Variants in C3orf70 observed in about 807,000 individuals in gnomAD.
C3orf70 encodes UPF0524 protein C3orf70.
Under a neutral mutation model 20.7 loss-of-function variants are expected in C3orf70, and 15 were observed. That is an observed-to-expected ratio of 0.72 (90% CI 0.48 to 1.11). The LOEUF (loss-of-function observed/expected upper bound fraction) is 1.11. Among genes scored for constraint, C3orf70 ranks in the 50% most tolerant of loss-of-function variants. C3orf70 has a pLI of 0.00. For missense variants in C3orf70, 332 were observed against 317.6 expected (o/e 1.05, Z -0.34); for synonymous variants, 161 against 125.7 (o/e 1.28, Z -1.88).
In C3orf70 at chr3:185,081,621, A is replaced by G. The variant is rs776294739; in HGVS notation, c.*1386T>C. On this transcript the variant is annotated 3_prime_UTR_variant, in exon 2 of 2. Coordinates refer to ENST00000335012, the MANE Select transcript of C3orf70 (RefSeq NM_001025266.3). ...CCTCATGGATAGAAGGTTTGGAGAA[A>G]TAGCAGTTAACTGACTCACAAGAAT... 6 of 152,402 alleles carry G rather than the reference A, an allele frequency of 3.9e-5. No individual in the cohort carries two copies. Among genetic ancestry groups the G allele is most frequent in the Admixed American group, 3.9e-4 (6 of 15,292 alleles). The allele number at this position is 152,402 out of a possible 1,614,324, so 9.4% of individuals were successfully genotyped here.
At chr3:185,104,312 A>G (rs1715881572) in intron 1 of C3orf70, among the ~76,000 whole-genome samples, 1 of 152,258 alleles carries the variant, frequency 6.6e-6, no homozygotes, top group Non-Finnish European at 1.5e-5. Context: ...ATTATTAAAA[A>G]GTCAAAGAAT....
chr3:185,083,453 C>G lies in C3orf70; in HGVS notation c.307G>C (p.Glu103Gln), dbSNP rs778561628. Residue 103 changes from glutamate to glutamine, a missense_variant, in exon 2 of 2, where the codon GAA (glutamate) becomes CAA (glutamine). Coordinates refer to ENST00000335012, the MANE Select transcript of C3orf70 (RefSeq NM_001025266.3). Reference sequence around the variant, plus strand: ...ACAGATGCAAATTTCAAAAAGTGTTCGGTGAGCGAGACTGAGATCTGAATG... The same window carrying G: ...ACAGATGCAAATTTCAAAAAGTGTTGGGTGAGCGAGACTGAGATCTGAATG... ...NTIQISVSLT[E>Q]HFLKFASVFQ... The G allele has an allele frequency of 3.1e-6, 5 of 1,613,936 alleles. No homozygotes were observed. Among genetic ancestry groups the G allele is most frequent in the South Asian group, 2.2e-5 (2 of 91,074 alleles).
chr3:185,119,392 C>G (rs1716245485), intron 1 of C3orf70, among the ~76,000 whole-genome samples: 1 of 152,140 alleles, frequency 6.6e-6, no homozygotes, highest in East Asian at 1.9e-4. Context: ...GTGGTTCACG[C>G]CTGTAATCCC....
chr3:185,125,526 T>C (rs546563787), intron 1 of C3orf70, among the ~76,000 whole-genome samples: 111 of 152,328 alleles, frequency 7.3e-4, no homozygotes, highest in African/African-American at 2.6e-3. Flanking sequence ...AATGAAGACA[T>C]ACATTCTCAC....
intron 1 of C3orf70, among the ~76,000 whole-genome samples, chr3:185,145,497 T>C (rs182660006): frequency 3.7e-4 from 56 of 152,372 alleles, no homozygotes; most frequent in Admixed American, 6.5e-4. Flanking sequence ...CATGGTTTTA[T>C]AGAGTTCACA....
intron 1 of C3orf70, among the ~76,000 whole-genome samples, chr3:185,111,555 C>T (rs13327733): frequency 0.052 from 7,910 of 152,078 alleles, 671 homozygotes; most frequent in African/African-American, 0.18. Context: ...AGGATGACTT[C>T]AATAAAAAAG....
chr3:185,098,643 A>G (rs1277367694), intron 1 of C3orf70, among the ~76,000 whole-genome samples: 1 of 152,258 alleles, frequency 6.6e-6, no homozygotes, highest in African/African-American at 2.4e-5. Flanking sequence ...ATGTATTCAT[A>G]TATCATACTG....
chr3:185,096,384 A>G (rs1253052789), intron 1 of C3orf70, among the ~76,000 whole-genome samples: 1 of 152,336 alleles, frequency 6.6e-6, no homozygotes, highest in East Asian at 1.9e-4. Flanking sequence ...CCTCTTCCTT[A>G]CAATAGTTGG....
chr3:185,137,363 A>G (rs1159944886), intron 1 of C3orf70, among the ~76,000 whole-genome samples: 1 of 152,046 alleles, frequency 6.6e-6, no homozygotes, highest in Non-Finnish European at 1.5e-5. Context: ...GAACTAATAC[A>G]CCCTCTTTCA....
At chr3:185,151,988 T>C (rs1716996848) in intron 1 of C3orf70, among the ~76,000 whole-genome samples, 1 of 152,250 alleles carries the variant, frequency 6.6e-6, no homozygotes, top group Non-Finnish European at 1.5e-5. Flanking sequence ...CATTTTATTT[T>C]GTAATTTTAT....
chr3:185,125,691 G>A (rs1716396238), intron 1 of C3orf70, among the ~76,000 whole-genome samples: 1 of 152,078 alleles, frequency 6.6e-6, no homozygotes, highest in African/African-American at 2.4e-5. Flanking sequence ...TGATATACTC[G>A]ACAGCAGGGA....
intron 1 of C3orf70, among the ~76,000 whole-genome samples, chr3:185,095,735 CTTTTTTTTTT>C (rs756180408): frequency 1.6e-5 from 2 of 127,556 alleles, no homozygotes; most frequent in African/African-American, 5.7e-5. Context: ...CATTCTGAAA[CTTTTTTTTTT>C]TTTTTTTTTT....
rs75797940 is a variant in C3orf70 at position 185,100,001 on chromosome 3, G to A, written c.197-16438C>T. Among the ~76,000 whole-genome samples, 764 of 152,222 alleles carry A rather than the reference G, an allele frequency of 5.0e-3. 4 individuals are homozygous for A. Among genetic ancestry groups the A allele is most frequent in the Non-Finnish European group, 8.3e-3 (566 of 68,006 alleles). ...AAAGGATTCAATTTAGCAAGAAGACGTAACTATCCTAAATGTATATGCACC... is the reference window on the plus strand; with the variant it reads ...AAAGGATTCAATTTAGCAAGAAGACATAACTATCCTAAATGTATATGCACC... On this transcript the variant is annotated intron_variant, in intron 1 of 1. Transcript: ENST00000335012.
chr3:185,125,353 C>A (rs1038177702), intron 1 of C3orf70, among the ~76,000 whole-genome samples: 13 of 151,682 alleles, frequency 8.6e-5, no homozygotes, highest in African/African-American at 2.9e-4. Flanking sequence ...GCACTCCAGC[C>A]TGGGCAACAA....
At chr3:185,111,724 A>G (rs1468228794) in intron 1 of C3orf70, among the ~76,000 whole-genome samples, 5 of 152,202 alleles carry the variant, frequency 3.3e-5, no homozygotes, top group Non-Finnish European at 7.3e-5. Flanking sequence ...TGAAGGTGCA[A>G]GTCCAGTCAG....
intron 1 of C3orf70, among the ~76,000 whole-genome samples, chr3:185,105,694 C>T (rs28842799): frequency 0.052 from 7,890 of 152,226 alleles, 660 homozygotes; most frequent in African/African-American, 0.18. Flanking sequence ...AGGGTCTCCC[C>T]AACCGAGCTG....
chr3:185,135,495 A>C (rs1158823816), intron 1 of C3orf70, among the ~76,000 whole-genome samples: 1 of 152,144 alleles, frequency 6.6e-6, no homozygotes, highest in Non-Finnish European at 1.5e-5. Flanking sequence ...AGAGACTGGG[A>C]AAGATGTGGG....
chr3:185,101,154 G>T (rs1715814297), intron 1 of C3orf70, among the ~76,000 whole-genome samples: 1 of 152,018 alleles, frequency 6.6e-6, no homozygotes, highest in South Asian at 2.1e-4. Flanking sequence ...ATAAATTAAG[G>T]AAGAAGGACT....
Position 185,090,066 on chromosome 3 carries a change from C to T in C3orf70, c.197-6503G>A, listed in dbSNP as rs144047876. Among the ~76,000 whole-genome samples the T allele has an allele frequency of 7.0e-3, 1,071 of 152,044 alleles. 17 individuals are homozygous for T. Among genetic ancestry groups the T allele is most frequent in the African/African-American group, 0.024 (1,001 of 41,304 alleles). On this transcript the variant is annotated intron_variant, in intron 1 of 1. Coordinates refer to ENST00000335012, the MANE Select transcript of C3orf70 (RefSeq NM_001025266.3). Reference sequence around the variant, plus strand: ...AACAAGATAGGAGTCAATTCTTAGACTCAGCCTTGAGACAACCCTGTATTC... The same window carrying T: ...AACAAGATAGGAGTCAATTCTTAGATTCAGCCTTGAGACAACCCTGTATTC...
Sources: gnomAD v4.1 joint callset for allele counts (sites outside exome capture counted in the v4.1 genomes callset) on GRCh38, gnomAD v4.1.1 for gene constraint, MANE v1.5 for transcripts, NCBI Gene and HGNC (gene_info 2026-07-23, HGNC 2026-07-21) for gene names.